The following RBMS2 variants were observed in gnomAD, a reference collection of about 807,000 sequenced individuals.
RBMS2 encodes RNA binding motif single stranded interacting protein 2.
In RBMS2, 38 loss-of-function variants were observed where a neutral mutation model predicts 58.4. The ratio of observed to expected loss-of-function variants is 0.65; its 90% confidence interval spans 0.50 to 0.85. RBMS2 has a LOEUF of 0.85. RBMS2 is among the 40% of genes least tolerant of loss of function. RBMS2 has a pLI of 0.00. For synonymous variants in RBMS2, 151 were observed against 180.7 expected (o/e 0.84, Z 1.32); for missense variants, 367 against 503.7 (o/e 0.73, Z 2.60).
intron 5 of RBMS2, among the ~76,000 whole-genome samples, chr12:56,579,741 G>A (rs1368765121): frequency 6.6e-6 from 1 of 152,032 alleles, no homozygotes; most frequent in Non-Finnish European, 1.5e-5. Context: ...TAAATATACT[G>A]AGTTAATTTA....
At chr12:56,522,602 A>T (rs1871926874) in intron 1 of RBMS2, among the ~76,000 whole-genome samples, 1 of 152,160 alleles carries the variant, frequency 6.6e-6, no homozygotes, top group Non-Finnish European at 1.5e-5. Context: ...TAGACTACAG[A>T]TCCTACCCCA....
rs1017338192 is a variant in RBMS2 at position 56,594,788 on chromosome 12, G to A, written c.*5655G>A. 6.6e-6 allele frequency: 1 copy of A among 152,200 alleles called. No individual in the cohort carries two copies. Among genetic ancestry groups the A allele is most frequent in the South Asian group, 2.1e-4 (1 of 4,834 alleles). The allele number at this position is 152,200 out of a possible 1,614,324, so 9.4% of individuals were successfully genotyped here. ...TTTTGAATAAACCTTCATTCTCCAA[G>A]CAGATCCCCAAACTTCCTTGTCCTT... is the stretch of plus-strand genomic sequence containing the variant. On this transcript the variant is annotated 3_prime_UTR_variant, in exon 14 of 14. Coordinates refer to ENST00000262031, the MANE Select transcript of RBMS2 (RefSeq NM_002898.4).
intron 1 of RBMS2, among the ~76,000 whole-genome samples, chr12:56,550,007 C>T (rs1451964634): frequency 6.6e-6 from 1 of 151,908 alleles, no homozygotes; most frequent in Admixed American, 6.6e-5. Context: ...GCCTGGGCAA[C>T]AAGAGCGAAA....
chr12:56,522,933 CTT>C (rs1448749140), intron 1 of RBMS2, among the ~76,000 whole-genome samples: 3 of 152,148 alleles, frequency 2.0e-5, no homozygotes, highest in African/African-American at 7.2e-5. Flanking sequence ...TTTACCCTCT[CTT>C]TGTGTTGTAG....
At position 56,543,633 on chromosome 12, in the gene RBMS2, A is replaced by G. The variant is rs536223502; in HGVS notation, c.67-18784A>G. The stretch of plus-strand genomic sequence containing the variant: ...CTCCCAAAGTGCTGGGATTACAGAC[A>G]TGAGCCACCACACCTGGCCTAGAGT... On this transcript the variant is annotated intron_variant, in intron 1 of 13. Transcript: ENST00000262031. Among the ~76,000 whole-genome samples, 818 of 149,506 alleles carry G rather than the reference A, an allele frequency of 5.5e-3. 3 individuals are homozygous for G. The highest frequency in any genetic ancestry group is 8.3e-3 in the Non-Finnish European group (562 of 67,364).
intron 12 of RBMS2, chr12:56,588,624 A>G (rs1885009696): frequency 1.7e-6 from 1 of 586,572 alleles, no homozygotes; most frequent in African/African-American, 1.9e-5. Context: ...ATATTTAAAA[A>G]AAAAACAACA....
intron 1 of RBMS2, among the ~76,000 whole-genome samples, chr12:56,529,677 A>G (rs556835595): frequency 6.6e-6 from 1 of 152,342 alleles, no homozygotes; most frequent in Non-Finnish European, 1.5e-5. Flanking sequence ...TAAAAACATG[A>G]CGCTCATGAA....
intron 5 of RBMS2, among the ~76,000 whole-genome samples, chr12:56,579,492 G>T (rs550669221): frequency 6.6e-6 from 1 of 152,200 alleles, no homozygotes; most frequent in East Asian, 1.9e-4. Flanking sequence ...AATTAGCCGG[G>T]TGTGGTGGCG....
intron 5 of RBMS2, among the ~76,000 whole-genome samples, chr12:56,577,456 AATT>A (rs138810999): frequency 0.061 from 8,911 of 145,634 alleles, 279 homozygotes; most frequent in African/African-American, 0.087. Context: ...GTTCATACAA[AATT>A]ATTATTATTA....
intron 5 of RBMS2, among the ~76,000 whole-genome samples, chr12:56,577,632 G>A (rs1883330383): frequency 6.6e-6 from 1 of 151,552 alleles, no homozygotes; most frequent in Non-Finnish European, 1.5e-5. Context: ...CCACCACCAT[G>A]CCCAGCTAAT....
rs1592455728 is a variant in RBMS2, at chr12:56,570,112, T to C, written c.384+122T>C. 8 of 849,472 alleles carry C rather than the reference T, an allele frequency of 9.4e-6. No homozygotes were observed. The East Asian group carries it at 2.1e-4, about 23-fold the overall frequency. 52.6% of individuals were successfully genotyped at this position (849,472 alleles called of 1,614,324 possible). On this transcript the variant is annotated intron_variant, in intron 4 of 13. Coordinates refer to ENST00000262031, the MANE Select transcript of RBMS2 (RefSeq NM_002898.4). The stretch of plus-strand genomic sequence containing the variant: ...TTGAGTGGGCAAGGGCTATCCGTGG[T>C]GCTTTCTAGACAGTCCATGAGCACC...
intron 1 of RBMS2, among the ~76,000 whole-genome samples, chr12:56,551,300 G>A (rs908451182): frequency 1.3e-5 from 2 of 152,038 alleles, no homozygotes; most frequent in Admixed American, 6.6e-5. Flanking sequence ...TTGAATTAGT[G>A]GTATTTAGAA....
At chr12:56,577,482 T>C (rs537402619) in intron 5 of RBMS2, among the ~76,000 whole-genome samples, 3 of 149,132 alleles carry the variant, frequency 2.0e-5, no homozygotes, top group Non-Finnish European at 4.4e-5. Context: ...ATTATTATTA[T>C]TATTATTATT....
intron 9 of RBMS2, among the ~76,000 whole-genome samples, chr12:56,584,330 G>A (rs963454793): frequency 6.6e-6 from 1 of 151,890 alleles, no homozygotes; most frequent in African/African-American, 2.4e-5. Flanking sequence ...TAACTCAGGA[G>A]GCTGAGGTGG....
At chr12:56,550,101 C>T (rs1194100403) in intron 1 of RBMS2, among the ~76,000 whole-genome samples, 1 of 152,168 alleles carries the variant, frequency 6.6e-6, no homozygotes, top group Non-Finnish European at 1.5e-5. Flanking sequence ...TAAACTGCAG[C>T]AGATTCTAAA....
At chr12:56,566,536 G>C (rs1417707842) in intron 2 of RBMS2, among the ~76,000 whole-genome samples, 1 of 152,190 alleles carries the variant, frequency 6.6e-6, no homozygotes, top group African/African-American at 2.4e-5. Flanking sequence ...ACAACTGTTA[G>C]GCTGGGCACA....
chr12:56,576,116 T>A (rs1443165884), intron 5 of RBMS2, among the ~76,000 whole-genome samples: 4 of 151,992 alleles, frequency 2.6e-5, no homozygotes, highest in African/African-American at 9.7e-5. Context: ...GGCGAGCAGA[T>A]CACTTGAGAT....
At position 56,570,004 on chromosome 12, in the gene RBMS2, C is replaced by G; in HGVS notation, c.384+14C>G. On this transcript the variant is annotated intron_variant, in intron 4 of 13. Transcript: ENST00000262031. ...CAGATGGCAAAGGTAAGGGTACTACCCCATGTCTGTTCCTCCAAGGGGTTT... is the reference window on the plus strand; with the variant it reads ...CAGATGGCAAAGGTAAGGGTACTACGCCATGTCTGTTCCTCCAAGGGGTTT... 2 of 1,594,182 alleles carry G rather than the reference C, an allele frequency of 1.3e-6. No homozygotes were observed. The highest frequency in any genetic ancestry group is 1.3e-5 in the African/African-American group (1 of 74,496).
chr12:56,577,457 A>AT (rs1348728131), intron 5 of RBMS2, among the ~76,000 whole-genome samples: 11 of 82,796 alleles, frequency 1.3e-4, no homozygotes, highest in Non-Finnish European at 4.4e-5. Flanking sequence ...TTCATACAAA[A>AT]TTATTATTAT....
Sources: gnomAD v4.1 joint callset for allele counts (sites outside exome capture counted in the v4.1 genomes callset) on GRCh38, gnomAD v4.1.1 for gene constraint, MANE v1.5 for transcripts, NCBI Gene and HGNC (gene_info 2026-07-23, HGNC 2026-07-21) for gene names.